VDR: variants seen among roughly 807,000 people sequenced by gnomAD.
VDR encodes the protein vitamin D3 receptor.
VDR carries 19 observed loss-of-function variants against 39.7 expected under a neutral mutation model. The observed-to-expected ratio is 0.48, with a 90% confidence interval of 0.33 to 0.70. The LOEUF is 0.70. VDR is among the 30% of genes least tolerant of loss of function. The pLI, the probability that VDR is intolerant of heterozygous loss-of-function variation, is 0.02. For synonymous variants in VDR, 242 were observed against 215.8 expected (o/e 1.12, Z -1.07); for missense variants, 442 against 570.5 (o/e 0.77, Z 2.29).
chr12:47,904,462 TAAAA>T (rs17886628), intron 1 of VDR: 1,813 of 358,700 alleles, frequency 5.1e-3, no homozygotes, highest in African/African-American at 6.2e-3. Context: ...CAAAGAAAAG[TAAAA>T]AAAAAAAAAA....
chr12:47,893,164 A>C (rs1342924035), intron 1 of VDR, among the ~76,000 whole-genome samples: 2 of 152,156 alleles, frequency 1.3e-5, no homozygotes, highest in Non-Finnish European at 2.9e-5. Flanking sequence ...AGGAATTTTT[A>C]ATTATTGCCA....
chr12:47,879,210 C>T lies in VDR; in HGVS notation c.-2-95G>A, dbSNP rs11168276. ...CCACCCACCCCCAGCCTCATCCCAC[C>T]GCCCCCACCCCCCACCACCAGGGAG... is the stretch of plus-strand genomic sequence containing the variant. On this transcript the variant is annotated intron_variant, in intron 2 of 9. Transcript: ENST00000549336. 51,379 of 1,423,122 alleles carry T rather than the reference C, an allele frequency of 0.036. 1,126 individuals carry two copies. Among genetic ancestry groups the T allele is most frequent in the Non-Finnish European group, 0.042 (44,805 of 1,065,214 alleles). 88.2% of individuals were successfully genotyped at this position (1,423,122 alleles called of 1,614,324 possible).
intron 1 of VDR, among the ~76,000 whole-genome samples, chr12:47,901,812 C>T (rs910873577): frequency 6.6e-6 from 1 of 152,214 alleles, no homozygotes; most frequent in Non-Finnish European, 1.5e-5. Context: ...AGTTGGCAGA[C>T]CTTCCTGTCC....
intron 1 of VDR, among the ~76,000 whole-genome samples, chr12:47,883,310 C>A (rs1488897491): frequency 6.6e-6 from 1 of 152,204 alleles, no homozygotes; most frequent in Non-Finnish European, 1.5e-5. Context: ...GCCTTGGCCT[C>A]TTGGGACAGC....
chr12:47,886,367 G>A (rs1440060403), intron 1 of VDR, among the ~76,000 whole-genome samples: 1 of 152,156 alleles, frequency 6.6e-6, no homozygotes, highest in Non-Finnish European at 1.5e-5. Flanking sequence ...TTATTCTGGT[G>A]CATAACTCAG....
chr12:47,894,967 C>T (rs1227749419), intron 1 of VDR, among the ~76,000 whole-genome samples: 1 of 152,218 alleles, frequency 6.6e-6, no homozygotes, highest in East Asian at 1.9e-4. Context: ...TCCGTGGCTA[C>T]AACTCTTACA....
intron 3 of VDR, among the ~76,000 whole-genome samples, chr12:47,868,148 C>T (rs1945775687): frequency 6.6e-6 from 1 of 152,246 alleles, no homozygotes; most frequent in East Asian, 1.9e-4. Flanking sequence ...TAGCCTTTAG[C>T]TTCCTGGATT....
chr12:47,857,210 A>T lies in VDR; in HGVS notation c.502T>A (p.Ser168Thr). The T allele has an allele frequency of 6.2e-7, 1 of 1,614,152 alleles. No homozygotes were observed. The highest frequency in any genetic ancestry group is 8.5e-7 in the Non-Finnish European group (1 of 1,180,018). Residue 168 changes from serine to threonine, a missense_variant, in exon 6 of 10, where the codon TCC (serine) becomes ACC (threonine). By Grantham distance (58) the Ser-to-Thr change is moderately conservative. Coordinates refer to ENST00000549336, the MANE Select transcript of VDR (RefSeq NM_000376.3). ...GGAGTGTGTCTGGAGTTGGGCCTGG[A>T]AGGATGGCTCCCTCCACCATCATTC... is the stretch of plus-strand genomic sequence containing the variant. ...RVNDGGGSHPSRPNSRHTPSF... is the reference protein window; with the variant it reads ...RVNDGGGSHPTRPNSRHTPSF...
chr12:47,871,662 A>G (rs1945882898), intron 3 of VDR, among the ~76,000 whole-genome samples: 2 of 151,932 alleles, frequency 1.3e-5, no homozygotes, highest in African/African-American at 4.8e-5. Flanking sequence ...ATGGGGTTTC[A>G]CCATGTTGGC....
intron 3 of VDR, 44 bp from the exon 4 acceptor site, chr12:47,865,221 G>A (rs769809390): frequency 1.1e-5 from 18 of 1,603,000 alleles, no homozygotes; most frequent in Admixed American, 1.0e-4. Context: ...CTGAACTTCC[G>A]GCTCCTCACC....
intron 3 of VDR, among the ~76,000 whole-genome samples, chr12:47,870,657 T>C (rs994108928): frequency 6.6e-6 from 1 of 152,162 alleles, no homozygotes; most frequent in African/African-American, 2.4e-5. Flanking sequence ...CAGTTGGGCC[T>C]TTCTCCAGTA....
chr12:47,852,048 T>TA (rs1565610137), intron 7 of VDR, among the ~76,000 whole-genome samples: 2 of 152,134 alleles, frequency 1.3e-5, no homozygotes, highest in Admixed American at 6.5e-5. Flanking sequence ...GGGCAATGGA[T>TA]AGGGGCCTTG....
At position 47,880,734 on chromosome 12, in the gene VDR, C is replaced by G. The variant is rs1946129964; in HGVS notation, c.-2-1619G>C. Among the ~76,000 whole-genome samples, 3 of 151,676 alleles carry G rather than the reference C, an allele frequency of 2.0e-5. No homozygotes were observed. In the South Asian group the frequency reaches 6.2e-4, roughly 31 times the overall value. The stretch of plus-strand genomic sequence containing the variant: ...GGCCATCAAAAATAATGGCAAAGAT[C>G]GCAATTACTTTTGAACTATCCTAAT... On this transcript the variant is annotated intron_variant, in intron 2 of 9. Coordinates refer to ENST00000549336, the MANE Select transcript of VDR (RefSeq NM_000376.3).
intron 1 of VDR, among the ~76,000 whole-genome samples, chr12:47,891,865 G>T (rs4328262): frequency 0.61 from 92,942 of 151,940 alleles, 28,617 homozygotes; most frequent in African/African-American, 0.67. Flanking sequence ...CCGATGCCCC[G>T]CTGTCTGTTA....
At chr12:47,904,705 A>G in intron 1 of VDR, 1 of 1,454,650 alleles carries the variant, frequency 6.9e-7, no homozygotes, top group Non-Finnish European at 9.3e-7. Flanking sequence ...TTAGCGGAGC[A>G]TTTCTCCTAA....
intron 7 of VDR, among the ~76,000 whole-genome samples, chr12:47,847,599 A>T (rs1378040787): frequency 6.6e-6 from 1 of 151,352 alleles, no homozygotes; most frequent in Admixed American, 6.6e-5. Context: ...TTGTGACAGG[A>T]TCTCACTCTG....
chr12:47,862,535 C>T (rs1002905110), intron 4 of VDR, among the ~76,000 whole-genome samples: 2 of 152,200 alleles, frequency 1.3e-5, no homozygotes, highest in Non-Finnish European at 2.9e-5. Flanking sequence ...GAAGAAAATG[C>T]ATGTGCTTGA....
At chr12:47,864,624 C>A (rs1445940826) in intron 4 of VDR, among the ~76,000 whole-genome samples, 1 of 152,224 alleles carries the variant, frequency 6.6e-6, no homozygotes, top group Non-Finnish European at 1.5e-5. Flanking sequence ...GCCCTCTCTT[C>A]CCAAGCCCAT....
At position 47,844,375 on chromosome 12, in the gene VDR, T is replaced by C. The variant is rs1361083165; in HGVS notation, c.*371A>G. 2 of 398,028 alleles carry C rather than the reference T, an allele frequency of 5.0e-6. No individual in the cohort carries two copies. Among genetic ancestry groups the C allele is most frequent in the Non-Finnish European group, 9.4e-6 (2 of 213,330 alleles). 24.7% of individuals were successfully genotyped at this position (398,028 alleles called of 1,614,324 possible). A position where few individuals can be genotyped will look rare whatever the true frequency, so the allele number is the denominator to read the frequency against. Reference sequence around the variant, plus strand: ...CAGTGGGGGGAGGTGCAGGTGTCTCTGTCCCTGAGGAATGGATGCATTTCT... The same window carrying C: ...CAGTGGGGGGAGGTGCAGGTGTCTCCGTCCCTGAGGAATGGATGCATTTCT... On this transcript the variant is annotated 3_prime_UTR_variant, in exon 10 of 10. Coordinates refer to ENST00000549336, the MANE Select transcript of VDR (RefSeq NM_000376.3).
Sources: gnomAD v4.1 joint callset for allele counts (sites outside exome capture counted in the v4.1 genomes callset) on GRCh38, gnomAD v4.1.1 for gene constraint, MANE v1.5 for transcripts, NCBI Gene and HGNC (gene_info 2026-07-23, HGNC 2026-07-21) for gene names.